The following ASXL3 variants were observed in gnomAD, a reference collection of about 807,000 sequenced individuals.
The protein encoded by ASXL3 is ASXL transcriptional regulator 3.
Under a neutral mutation model 170.6 loss-of-function variants are expected in ASXL3, and 34 were observed. The ratio of observed to expected loss-of-function variants is 0.20; its 90% CI spans 0.15 to 0.27. The LOEUF (loss-of-function observed/expected upper bound fraction) is 0.27, where lower values mean the gene tolerates loss of function less well. Ranked by LOEUF, ASXL3 falls within the 10% of genes least tolerant of loss-of-function variation. ASXL3 has a pLI of 1.00. For missense variants in ASXL3, 2,592 were observed against 2,695.3 expected, an observed-to-expected ratio of 0.96 and a Z score of 0.85; for synonymous variants, 1,002 against 989.1, an observed-to-expected ratio of 1.01 and a Z score of -0.24.
In ASXL3 at chr18:33,739,845, G is replaced by T; in HGVS notation, c.2441G>T (p.Ser814Ile). 1 of 1,613,868 alleles carries T rather than the reference G, an allele frequency of 6.2e-7. No homozygotes were observed. Among genetic ancestry groups the T allele is most frequent in the Non-Finnish European group, 8.5e-7 (1 of 1,179,840 alleles). Reference sequence around the variant, plus strand: ...AATACTCCCGAACCCATCATAATGAGTTCTTCTTCCATTGCTCCTGAAGCA... The same window carrying T: ...AATACTCCCGAACCCATCATAATGATTTCTTCTTCCATTGCTCCTGAAGCA... ...LSNTPEPIIMSSSSIAPEAFP... is the reference protein window; with the variant it reads ...LSNTPEPIIMISSSIAPEAFP... Residue 814 changes from serine (S) to isoleucine (I), a missense_variant, in exon 11 of 12, where the codon AGT (serine) becomes ATT (isoleucine). Transcript: ENST00000269197.
At chr18:33,718,669 A>G (rs1599538276) in intron 8 of ASXL3, among the ~76,000 whole-genome samples, 1 of 151,306 alleles carries the variant, frequency 6.6e-6, no homozygotes, top group African/African-American at 2.4e-5. Context: ...CTTAAAGGTT[A>G]TCCCCTTAGG....
At chr18:33,587,054 C>T (rs1026625414) in intron 1 of ASXL3, among the ~76,000 whole-genome samples, 1 of 152,154 alleles carries the variant, frequency 6.6e-6, no homozygotes, top group African/African-American at 2.4e-5. Context: ...AACCTCTTTT[C>T]CAAATCTTAC....
rs545839173 is a variant in ASXL3, at chr18:33,597,811, A to C, written c.55-9783A>C. ...TCATCTACAAAAAAAAAAAAACAAA[A>C]AAAACAAAAAACAAACAAAACAAAT... is the stretch of plus-strand genomic sequence containing the variant. On this transcript the variant is annotated intron_variant, in intron 1 of 11. Transcript: ENST00000269197. Among the ~76,000 whole-genome samples the C allele has an allele frequency of 5.4e-5, 8 of 149,310 alleles. No individual in the cohort carries two copies. In the South Asian group the frequency reaches 1.1e-3, roughly 20 times the overall value.
At chr18:33,596,246 C>A (rs1408855750) in intron 1 of ASXL3, among the ~76,000 whole-genome samples, 2 of 152,162 alleles carry the variant, frequency 1.3e-5, no homozygotes, top group Non-Finnish European at 2.9e-5. Context: ...CATTTTAAAT[C>A]TATTTCTAAG....
intron 8 of ASXL3, among the ~76,000 whole-genome samples, chr18:33,720,381 A>C (rs571469680): frequency 1.3e-5 from 2 of 152,060 alleles, no homozygotes; most frequent in Non-Finnish European, 1.5e-5. Context: ...CTACATTATA[A>C]CATAACCTTA....
chr18:33,745,223 C>G lies in ASXL3; in HGVS notation c.5375C>G (p.Pro1792Arg). 6.2e-7 allele frequency: 1 copy of G among 1,613,940 alleles called. No individual in the cohort carries two copies. The highest frequency in any genetic ancestry group is 8.5e-7 in the Non-Finnish European group (1 of 1,179,894). ...ACTACCTCAGTGGGTAAAACAGCAC[C>G]AGAGAGAAACGTTGAAATTCCGCCC... ...LQTTSVGKTA[P>R]ERNVEIPPSS... The change falls in exon 12 of 12, where the codon CCA (proline) becomes CGA (arginine). Residue 1792 changes from proline (P) to arginine (R), a missense_variant. Coordinates refer to ENST00000269197, the MANE Select transcript of ASXL3 (RefSeq NM_030632.3).
At chr18:33,661,226 C>G (rs952810512) in intron 4 of ASXL3, among the ~76,000 whole-genome samples, 2 of 151,952 alleles carry the variant, frequency 1.3e-5, no homozygotes, top group African/African-American at 4.8e-5. Flanking sequence ...AAAACAATTG[C>G]ATTAATTTAT....
At chr18:33,700,292 G>A (rs2066848597) in intron 8 of ASXL3, among the ~76,000 whole-genome samples, 1 of 152,036 alleles carries the variant, frequency 6.6e-6, no homozygotes, top group Admixed American at 6.6e-5. Context: ...GGTGGAATAG[G>A]TGGTTATTGA....
intron 8 of ASXL3, among the ~76,000 whole-genome samples, chr18:33,694,890 G>T (rs1381836813): frequency 1.3e-5 from 2 of 152,100 alleles, no homozygotes; most frequent in Non-Finnish European, 2.9e-5. Flanking sequence ...GAAAATGGAT[G>T]TGTCTGTCAG....
In ASXL3 at chr18:33,661,804, G is replaced by C. The variant is rs16964834; in HGVS notation, c.477+67G>C. ...TACTTAAGGTAATGTGTGTTTTGCT[G>C]ATCAAGTAAACAATAACCTAGCAAT... is the stretch of plus-strand genomic sequence containing the variant. On this transcript the variant is annotated intron_variant, in intron 5 of 11. Coordinates refer to ENST00000269197, the MANE Select transcript of ASXL3 (RefSeq NM_030632.3). 5,301 of 1,504,256 alleles carry C rather than the reference G, an allele frequency of 3.5e-3. 158 individuals are homozygous for C. In the African/African-American group the frequency reaches 0.065, roughly 18 times the overall value. 93.2% of individuals were successfully genotyped at this position (1,504,256 alleles called of 1,614,324 possible). A position where few individuals can be genotyped will look rare whatever the true frequency, so the allele number is the denominator to read the frequency against.
intron 2 of ASXL3, among the ~76,000 whole-genome samples, chr18:33,608,449 A>G (rs1020693370): frequency 1.3e-5 from 2 of 151,976 alleles, no homozygotes; most frequent in Non-Finnish European, 1.5e-5. Context: ...GTTGTAGCAT[A>G]TATCAGGAAT....
chr18:33,745,513 G>T lies in ASXL3; in HGVS notation c.5665G>T (p.Val1889Phe). The T allele has an allele frequency of 6.2e-7, 1 of 1,614,000 alleles. No individual in the cohort carries two copies. The highest frequency in any genetic ancestry group is 8.5e-7 in the Non-Finnish European group (1 of 1,179,898). Residue 1889 changes from valine (V) to phenylalanine (F), a missense_variant, in exon 12 of 12, where the codon GTT (valine) becomes TTT (phenylalanine). Transcript: ENST00000269197. ...CAAGCACTCCATGCAGAACAGAATTGTTCACAGCCCTGAGGTCAAACAGCA... is the reference window on the plus strand; with the variant it reads ...CAAGCACTCCATGCAGAACAGAATTTTTCACAGCCCTGAGGTCAAACAGCA... ...LNKHSMQNRI[V>F]HSPEVKQQKR...
At chr18:33,725,992 T>C (rs190441174) in intron 8 of ASXL3, among the ~76,000 whole-genome samples, 17 of 152,312 alleles carry the variant, frequency 1.1e-4, no homozygotes, top group Middle Eastern at 6.8e-3. Context: ...CAGAAATCCC[T>C]GTCTTAGTCT....
intron 6 of ASXL3, among the ~76,000 whole-genome samples, chr18:33,671,452 C>T (rs1568317956): frequency 6.6e-6 from 1 of 152,114 alleles, no homozygotes; most frequent in Non-Finnish European, 1.5e-5. Context: ...TAGTATTGTT[C>T]AAGCTTATTC....
chr18:33,688,585 A>G (rs2066635712), intron 8 of ASXL3, among the ~76,000 whole-genome samples: 1 of 152,186 alleles, frequency 6.6e-6, no homozygotes, highest in Non-Finnish European at 1.5e-5. Flanking sequence ...TGGATAAAAA[A>G]GAGGATGGGA....
intron 8 of ASXL3, among the ~76,000 whole-genome samples, chr18:33,689,697 C>A (rs1464342203): frequency 6.6e-6 from 1 of 152,200 alleles, no homozygotes; most frequent in East Asian, 1.9e-4. Flanking sequence ...TGACTCAGTA[C>A]TGATGCTGTT....
At chr18:33,725,455 T>TAACA (rs925279774) in intron 8 of ASXL3, among the ~76,000 whole-genome samples, 1 of 152,142 alleles carries the variant, frequency 6.6e-6, no homozygotes, top group African/African-American at 2.4e-5. Context: ...TTAGTCTTCC[T>TAACA]AACAGGATCT....
chr18:33,740,567 C>T, intron 11 of ASXL3, 124 bp downstream of exon 11: 1 of 942,754 alleles, frequency 1.1e-6, no homozygotes, highest in Non-Finnish European at 1.5e-6. Context: ...ATAATCTAAT[C>T]CTCTAATAGT....
chr18:33,606,205 T>C (rs539781668), intron 1 of ASXL3, among the ~76,000 whole-genome samples: 66 of 152,152 alleles, frequency 4.3e-4, no homozygotes, highest in African/African-American at 1.4e-3. Flanking sequence ...TTTCCCCTTT[T>C]CGAGTGTTCA....
Sources: gnomAD v4.1 joint callset for allele counts (sites outside exome capture counted in the v4.1 genomes callset) on GRCh38, gnomAD v4.1.1 for gene constraint, MANE v1.5 for transcripts, NCBI Gene and HGNC (gene_info 2026-07-23, HGNC 2026-07-21) for gene names.